AUH: variants seen among roughly 807,000 people sequenced by gnomAD.
AUH encodes the protein methylglutaconyl-CoA hydratase, mitochondrial.
AUH carries 29 observed loss-of-function variants against 42.3 expected under a neutral mutation model. The ratio of observed to expected loss-of-function variants is 0.69; its 90% CI spans 0.51 to 0.93. AUH has a LOEUF of 0.93. AUH is among the 40% of genes least tolerant of loss of function. The pLI, the probability that AUH is intolerant of heterozygous loss-of-function variation, is 0.00. For synonymous variants in AUH, 174 were observed against 166.4 expected (o/e 1.05, Z -0.35); for missense variants, 452 against 438.1 (o/e 1.03, Z -0.28).
intron 3 of AUH, among the ~76,000 whole-genome samples, chr9:91,334,916 C>A (rs1007011970): frequency 6.6e-6 from 1 of 152,138 alleles, no homozygotes; most frequent in Non-Finnish European, 1.5e-5. Flanking sequence ...GTCAAGATAA[C>A]CAATGATTTC....
At chr9:91,217,009 C>T (rs1277160578) in intron 8 of AUH, among the ~76,000 whole-genome samples, 1 of 152,208 alleles carries the variant, frequency 6.6e-6, no homozygotes, top group Non-Finnish European at 1.5e-5. Context: ...TGTCTGTTAA[C>T]TGGATGGCAA....
chr9:91,303,946 A>G (rs1828017668), intron 4 of AUH, among the ~76,000 whole-genome samples: 1 of 152,192 alleles, frequency 6.6e-6, no homozygotes, highest in South Asian at 2.1e-4. Context: ...TGCTCCCTGG[A>G]GGCCCACACC....
intron 3 of AUH, among the ~76,000 whole-genome samples, chr9:91,333,077 A>C (rs931531152): frequency 3.9e-5 from 6 of 152,228 alleles, no homozygotes; most frequent in Non-Finnish European, 8.8e-5. Flanking sequence ...TTCAGGAAAG[A>C]AAGCCTAATG....
intron 6 of AUH, among the ~76,000 whole-genome samples, chr9:91,265,710 C>A (rs1829939815): frequency 6.6e-6 from 1 of 152,178 alleles, no homozygotes; most frequent in Admixed American, 6.5e-5. Flanking sequence ...TGTGCAACAT[C>A]AAAATCCATA....
At chr9:91,221,326 C>T (rs564399520) in intron 6 of AUH, among the ~76,000 whole-genome samples, 1 of 152,312 alleles carries the variant, frequency 6.6e-6, no homozygotes, top group East Asian at 1.9e-4. Context: ...GCAGTACCAG[C>T]CAGTAAGTCC....
At chr9:91,235,292 G>C (rs200974419) in intron 6 of AUH, among the ~76,000 whole-genome samples, 2 of 152,266 alleles carry the variant, frequency 1.3e-5, no homozygotes, top group South Asian at 2.1e-4. Context: ...CCGAGACAGC[G>C]CAAGGTAGGG....
chr9:91,252,401 TTA>T (rs1350140745), intron 6 of AUH, among the ~76,000 whole-genome samples: 1 of 152,164 alleles, frequency 6.6e-6, no homozygotes, highest in Non-Finnish European at 1.5e-5. Flanking sequence ...TATCTAGTTC[TTA>T]TTATGTGCCA....
At chr9:91,327,314 G>A (rs576601528) in intron 3 of AUH, among the ~76,000 whole-genome samples, 5 of 152,222 alleles carry the variant, frequency 3.3e-5, no homozygotes, top group Middle Eastern at 3.4e-3. Context: ...TCTAAAAACC[G>A]AGCTGCTGGT....
At chr9:91,351,838 A>G (rs1285755505) in intron 3 of AUH, among the ~76,000 whole-genome samples, 4 of 152,214 alleles carry the variant, frequency 2.6e-5, no homozygotes. Flanking sequence ...CATCCCCTAC[A>G]TAAATAGGAT....
chr9:91,226,117 A>G (rs1021211246), intron 6 of AUH, among the ~76,000 whole-genome samples: 6 of 148,616 alleles, frequency 4.0e-5, no homozygotes. Flanking sequence ...ATCCCTGAGG[A>G]ATCACCACAC....
At chr9:91,334,606 G>A (rs968229996) in intron 3 of AUH, among the ~76,000 whole-genome samples, 1 of 143,346 alleles carries the variant, frequency 7.0e-6, no homozygotes. Flanking sequence ...ATAATCCCGT[G>A]AGCCAATTCC....
At chr9:91,300,899 G>A (rs1301132679) in intron 4 of AUH, among the ~76,000 whole-genome samples, 1 of 152,078 alleles carries the variant, frequency 6.6e-6, no homozygotes, top group Non-Finnish European at 1.5e-5. Context: ...ATGCTTACAT[G>A]GCACTCTGTG....
At chr9:91,235,419 A>C (rs1411575139) in intron 6 of AUH, among the ~76,000 whole-genome samples, 2 of 152,172 alleles carry the variant, frequency 1.3e-5, no homozygotes, top group Non-Finnish European at 2.9e-5. Context: ...TGAGTGTCCG[A>C]TATTATGAAC....
intron 3 of AUH, among the ~76,000 whole-genome samples, chr9:91,344,407 C>G (rs1380059547): frequency 1.3e-5 from 2 of 152,184 alleles, no homozygotes; most frequent in Non-Finnish European, 2.9e-5. Context: ...TTATGTCTCC[C>G]TAAAATGTAT....
At chr9:91,280,221 A>G (rs1194607231) in intron 6 of AUH, among the ~76,000 whole-genome samples, 1 of 152,220 alleles carries the variant, frequency 6.6e-6, no homozygotes, top group Non-Finnish European at 1.5e-5. Context: ...AACTTTCTAC[A>G]TATTCTATTT....
intron 6 of AUH, among the ~76,000 whole-genome samples, chr9:91,236,365 C>T (rs1025177056): frequency 2.0e-5 from 3 of 152,144 alleles, no homozygotes; most frequent in Non-Finnish European, 4.4e-5. Flanking sequence ...TACTACATAA[C>T]ACTACGTAAA....
At chr9:91,240,830 G>C (rs978746159) in intron 6 of AUH, among the ~76,000 whole-genome samples, 6 of 151,870 alleles carry the variant, frequency 4.0e-5, no homozygotes, top group Non-Finnish European at 7.4e-5. Context: ...CAAAACCAAA[G>C]AAACTTGACA....
At chr9:91,332,396 G>C (rs1830394614) in intron 3 of AUH, among the ~76,000 whole-genome samples, 1 of 152,138 alleles carries the variant, frequency 6.6e-6, no homozygotes, top group Admixed American at 6.5e-5. Flanking sequence ...CGGCTACTTG[G>C]GAGGCTGAGG....
intron 4 of AUH, among the ~76,000 whole-genome samples, chr9:91,301,768 C>T (rs1564080167): frequency 6.6e-6 from 1 of 152,104 alleles, no homozygotes; most frequent in Non-Finnish European, 1.5e-5. Flanking sequence ...ATATGCCTTA[C>T]AATTTGTAAG....
Sources: allele counts gnomAD v4.1 joint callset (sites outside exome capture counted in the v4.1 genomes callset), GRCh38; gene constraint gnomAD v4.1.1; transcripts MANE v1.5; gene names NCBI Gene and HGNC (gene_info 2026-07-23, HGNC 2026-07-21).